FAM185A: variants seen among roughly 807,000 people sequenced by gnomAD.
FAM185A encodes the protein protein FAM185A.
FAM185A carries 21 observed loss-of-function variants against 45.7 expected under a neutral mutation model. The observed-to-expected ratio is 0.46, with a 90% CI of 0.33 to 0.66. FAM185A has a LOEUF of 0.66. FAM185A is among the 30% of genes least tolerant of loss of function. The probability of loss-of-function intolerance (pLI) is 0.03; values close to 1 mark genes in which losing one functional copy is unlikely to be tolerated. For synonymous variants in FAM185A, 117 were observed against 194.0 expected (o/e 0.60, Z 3.30); for missense variants, 305 against 485.4 (o/e 0.63, Z 3.49).
intron 4 of FAM185A, among the ~76,000 whole-genome samples, chr7:102,771,157 T>C (rs1020932601): frequency 1.2e-4 from 18 of 151,876 alleles, no homozygotes; most frequent in South Asian, 1.0e-3. Context: ...GGGGTAAACA[T>C]TGGATAATTA....
chr7:102,848,275 G>GGAAAGAGGAATGAGAAAT, the FAM185A span, among the ~76,000 whole-genome samples: 4 of 113,008 alleles, frequency 3.5e-5, no homozygotes, highest in Admixed American at 2.3e-4. Flanking sequence ...ACACATTCGA[G>GGAAAGAGGAATGAGAAAT]GCCGGGCGCG....
At chr7:102,764,791 A>C (rs1167917881) in intron 4 of FAM185A, among the ~76,000 whole-genome samples, 1 of 151,682 alleles carries the variant, frequency 6.6e-6, no homozygotes, top group Non-Finnish European at 1.5e-5. Context: ...TTTTTTCTTA[A>C]GCAAGGCTTA....
intron 7 of FAM185A, among the ~76,000 whole-genome samples, chr7:102,806,616 C>T (rs1457054593): frequency 6.6e-6 from 1 of 152,112 alleles, no homozygotes; most frequent in Non-Finnish European, 1.5e-5. Flanking sequence ...CCCTTACAAG[C>T]GGTCCCTGTT....
At position 102,764,086 on chromosome 7, in the gene FAM185A, G is replaced by A. The variant is rs547396665; in HGVS notation, c.793+2675G>A. ...GTAATACTAGTACAGCAATGAGAAG[G>A]AGAAGGGGAAGGGAAAATTTAATCC... is the stretch of plus-strand genomic sequence containing the variant. On this transcript the variant is annotated intron_variant, in intron 4 of 7. Coordinates refer to ENST00000413034, the MANE Select transcript of FAM185A (RefSeq NM_001145268.2). Among the ~76,000 whole-genome samples, 5 of 152,222 alleles carry A rather than the reference G, an allele frequency of 3.3e-5. No individual in the cohort carries two copies. The South Asian group carries it at 1.0e-3, about 32-fold the overall frequency.
chr7:102,794,006 C>T (rs529771395), intron 7 of FAM185A, among the ~76,000 whole-genome samples: 182 of 143,276 alleles, frequency 1.3e-3, no homozygotes, highest in Non-Finnish European at 9.9e-4. Flanking sequence ...TGCCACTGGA[C>T]TCCAGCCTGG....
chr7:102,836,168 C>T, the FAM185A span, among the ~76,000 whole-genome samples: 1 of 152,100 alleles, frequency 6.6e-6, no homozygotes, highest in Non-Finnish European at 1.5e-5. Flanking sequence ...TCTTTAAAGA[C>T]AAATGTTCTC....
chr7:102,840,165 C>T, the FAM185A span, among the ~76,000 whole-genome samples: 1 of 151,912 alleles, frequency 6.6e-6, no homozygotes, highest in Admixed American at 6.6e-5. Flanking sequence ...ATTGGGAAAA[C>T]CAAAAGGAAA....
At chr7:102,779,217 G>C (rs1394683972) in intron 6 of FAM185A, among the ~76,000 whole-genome samples, 3 of 152,188 alleles carry the variant, frequency 2.0e-5, no homozygotes, top group African/African-American at 7.2e-5. Flanking sequence ...GTGAAAAGAG[G>C]TTAAAGAACA....
chr7:102,783,932 G>A (rs1403601527), intron 6 of FAM185A, among the ~76,000 whole-genome samples: 47 of 150,626 alleles, frequency 3.1e-4, no homozygotes, highest in Admixed American at 4.6e-4. Context: ...TTGATAGACC[G>A]CTAGCAAGAC....
At chr7:102,755,805 G>A (rs1401792515) in intron 2 of FAM185A, 7 of 668,132 alleles carry the variant, frequency 1.0e-5, no homozygotes, top group East Asian at 2.9e-5. Context: ...GGAAGCTATC[G>A]GGACCAATTA....
At chr7:102,825,012 T>C in the FAM185A span, among the ~76,000 whole-genome samples, 1 of 152,198 alleles carries the variant, frequency 6.6e-6, no homozygotes, top group Non-Finnish European at 1.5e-5. Flanking sequence ...TAAAATGTTT[T>C]ATTTAGTAGA....
intron 6 of FAM185A, among the ~76,000 whole-genome samples, chr7:102,781,850 C>G (rs960236863): frequency 2.0e-5 from 3 of 152,068 alleles, no homozygotes; most frequent in Non-Finnish European, 1.5e-5. Flanking sequence ...GACAATCAAA[C>G]TACTCTGAGC....
At chr7:102,802,193 T>G (rs1056208829) in intron 7 of FAM185A, among the ~76,000 whole-genome samples, 11 of 152,160 alleles carry the variant, frequency 7.2e-5, no homozygotes, top group Admixed American at 6.5e-4. Flanking sequence ...CAAATGGACT[T>G]AACAGATATA....
chr7:102,818,785 A>G, the FAM185A span, among the ~76,000 whole-genome samples: 2 of 152,158 alleles, frequency 1.3e-5, no homozygotes, highest in African/African-American at 4.8e-5. Context: ...TTTTTTAAAA[A>G]ATTTATTTCC....
At chr7:102,764,968 A>G (rs112812418) in intron 4 of FAM185A, among the ~76,000 whole-genome samples, 2 of 152,122 alleles carry the variant, frequency 1.3e-5, no homozygotes, top group African/African-American at 2.4e-5. Flanking sequence ...TTGAAAGCAA[A>G]CATGTATTGA....
At position 102,808,833 on chromosome 7, in the gene FAM185A, T is replaced by A. The variant is rs537026664; in HGVS notation, c.*431T>A. On this transcript the variant is annotated 3_prime_UTR_variant, in exon 8 of 8. Transcript: ENST00000413034. ...TGTCAGCCAGCAATCACTCTAAGCTTCTAGAGGCCACCCACATGCCTTCTC... is the reference window on the plus strand; with the variant it reads ...TGTCAGCCAGCAATCACTCTAAGCTACTAGAGGCCACCCACATGCCTTCTC... 3.6e-3 allele frequency: 584 copies of A among 163,980 alleles called. 3 individuals are homozygous for A. The highest frequency in any genetic ancestry group is 5.4e-3 in the Non-Finnish European group (407 of 75,016). The allele number at this position is 163,980 out of a possible 1,614,324, so 10.2% of individuals were successfully genotyped here. A position where few individuals can be genotyped will look rare whatever the true frequency, so the allele number is the denominator to read the frequency against.
intron 4 of FAM185A, among the ~76,000 whole-genome samples, chr7:102,762,916 C>G (rs1443755895): frequency 7.1e-6 from 1 of 140,226 alleles, no homozygotes; most frequent in Non-Finnish European, 1.5e-5. Flanking sequence ...TTAAAAGTGA[C>G]TTTTATATAA....
the FAM185A span, among the ~76,000 whole-genome samples, chr7:102,845,094 G>T: frequency 6.6e-6 from 1 of 152,014 alleles, no homozygotes; most frequent in Non-Finnish European, 1.5e-5. Flanking sequence ...GATTTTTATG[G>T]GGGCTTCGTC....
At chr7:102,750,422 ATAG>A in intron 1 of FAM185A, among the ~76,000 whole-genome samples, 1 of 152,326 alleles carries the variant, frequency 6.6e-6, no homozygotes, top group Non-Finnish European at 1.5e-5. Context: ...AGTTGCCCAA[ATAG>A]TAGATGCCGT....
Sources: gnomAD v4.1 joint callset for allele counts (sites outside exome capture counted in the v4.1 genomes callset) on GRCh38, gnomAD v4.1.1 for gene constraint, MANE v1.5 for transcripts, NCBI Gene and HGNC (gene_info 2026-07-23, HGNC 2026-07-21) for gene names.